The following RGS6 variants were observed in gnomAD, a reference collection of about 807,000 sequenced individuals.
RGS6 encodes regulator of G-protein signaling 6.
A neutral mutation model predicts 78.5 loss-of-function variants in RGS6; 30 were observed. The observed-to-expected ratio is 0.38, with a 90% confidence interval of 0.29 to 0.52. The LOEUF is 0.52. RGS6 is among the 20% of genes least tolerant of loss of function. The pLI is 0.85. For synonymous variants in RGS6, 206 were observed against 206.0 expected, an observed-to-expected ratio of 1.00 and a Z score of 0.00; for missense variants, 495 against 609.7, an observed-to-expected ratio of 0.81 and a Z score of 1.98.
chr14:72,053,971 A>G (rs2093476900), intron 2 of RGS6, among the ~76,000 whole-genome samples: 1 of 152,214 alleles, frequency 6.6e-6, no homozygotes, highest in Admixed American at 6.5e-5. Context: ...GTGGAAATTG[A>G]GATAAGACCG....
chr14:72,552,983 C>T (rs1196602106), intron 17 of RGS6, among the ~76,000 whole-genome samples: 3 of 152,236 alleles, frequency 2.0e-5, no homozygotes, highest in African/African-American at 7.2e-5. Flanking sequence ...GTGCACCTTG[C>T]ATGAGATGCT....
intron 2 of RGS6, among the ~76,000 whole-genome samples, chr14:72,166,513 T>C (rs2096930391): frequency 6.6e-6 from 1 of 152,222 alleles, no homozygotes; most frequent in Non-Finnish European, 1.5e-5. Context: ...TCAGGAATTT[T>C]CTAGATGGAG....
intron 1 of RGS6, among the ~76,000 whole-genome samples, chr14:71,939,638 G>A (rs923954456): frequency 1.3e-5 from 2 of 152,228 alleles, no homozygotes; most frequent in African/African-American, 4.8e-5. Flanking sequence ...AGTACTAGGA[G>A]ATGTGTTAAT....
chr14:72,154,529 A>G (rs1348543633), intron 2 of RGS6, among the ~76,000 whole-genome samples: 1 of 152,134 alleles, frequency 6.6e-6, no homozygotes, highest in Non-Finnish European at 1.5e-5. Flanking sequence ...CTGACTTCCA[A>G]CAGCTGGGGA....
At chr14:72,224,033 A>G (rs2047516370) in intron 2 of RGS6, among the ~76,000 whole-genome samples, 3 of 152,226 alleles carry the variant, frequency 2.0e-5, no homozygotes, top group Admixed American at 1.3e-4. Flanking sequence ...GTATTGAGAA[A>G]CCATTCAACT....
chr14:72,277,422 T>A (rs1244809979), intron 2 of RGS6, among the ~76,000 whole-genome samples: 2 of 150,858 alleles, frequency 1.3e-5, no homozygotes. Flanking sequence ...ATGGTGAAAC[T>A]CCCTGTCTAC....
chr14:71,997,145 A>G (rs1217185935), intron 2 of RGS6, among the ~76,000 whole-genome samples: 4 of 152,226 alleles, frequency 2.6e-5, no homozygotes, highest in African/African-American at 7.2e-5. Flanking sequence ...TTCAGAAGCA[A>G]CTAGGGATGT....
At chr14:71,979,131 G>A (rs1418151922) in intron 2 of RGS6, among the ~76,000 whole-genome samples, 1 of 148,828 alleles carries the variant, frequency 6.7e-6, no homozygotes, top group Non-Finnish European at 1.5e-5. Context: ...ATTTTTTATT[G>A]TGTCTATTTG....
chr14:72,412,817 T>C (rs1357682435), intron 3 of RGS6, among the ~76,000 whole-genome samples: 8 of 152,290 alleles, frequency 5.3e-5, no homozygotes, highest in Middle Eastern at 3.4e-3. Flanking sequence ...GCCTTCATTT[T>C]GTTATGTACC....
At chr14:71,927,689 G>A (rs541404431), upstream of RGS6, among the ~76,000 whole-genome samples, 3 of 147,866 alleles carry the variant, frequency 2.0e-5, no homozygotes, top group East Asian at 2.0e-4. Context: ...ACGGAGTTTC[G>A]CTCTGTCGCC....
intron 2 of RGS6, among the ~76,000 whole-genome samples, chr14:72,148,258 A>G (rs2096635882): frequency 6.6e-6 from 1 of 151,902 alleles, no homozygotes; most frequent in South Asian, 2.1e-4. Context: ...TTATTTGGGT[A>G]TGGTGATGCA....
chr14:72,381,085 G>T (rs2085955115), intron 3 of RGS6, among the ~76,000 whole-genome samples: 1 of 152,034 alleles, frequency 6.6e-6, no homozygotes, highest in Non-Finnish European at 1.5e-5. Flanking sequence ...GATACCACAT[G>T]TTGTCACTCA....
intron 2 of RGS6, among the ~76,000 whole-genome samples, chr14:72,339,283 T>C (rs1194742043): frequency 6.6e-6 from 1 of 152,166 alleles, no homozygotes; most frequent in South Asian, 2.1e-4. Context: ...TCAGGACACA[T>C]GGAAAGTGCC....
chr14:71,982,042 C>CTCCGT (rs1248817662), intron 2 of RGS6, among the ~76,000 whole-genome samples: 1 of 152,216 alleles, frequency 6.6e-6, no homozygotes. Context: ...GGGAGTGACC[C>CTCCGT]GATTTTCCAG....
intron 3 of RGS6, among the ~76,000 whole-genome samples, chr14:72,434,833 CA>C (rs1283816738): frequency 6.6e-6 from 1 of 152,176 alleles, no homozygotes; most frequent in East Asian, 1.9e-4. Context: ...TGATGTAAAC[CA>C]AGTGCTTTTT....
rs373209612 is a variant in RGS6, at chr14:72,380,198, A to G, written c.184+28004A>G. On this transcript the variant is annotated intron_variant, in intron 3 of 17. Coordinates refer to ENST00000553525, the MANE Select transcript of RGS6 (RefSeq NM_001204424.2). ...AATGGATCAAAGACCTAAATGCAAAATCTGAAAATATAAAACTAGTACAAG... is the reference window on the plus strand; with the variant it reads ...AATGGATCAAAGACCTAAATGCAAAGTCTGAAAATATAAAACTAGTACAAG... Among the ~76,000 whole-genome samples, 180 of 152,242 alleles carry G rather than the reference A, an allele frequency of 1.2e-3. 6 individuals are homozygous for G. The highest frequency in any genetic ancestry group is 4.1e-3 in the African/African-American group (172 of 41,572).
intron 2 of RGS6, among the ~76,000 whole-genome samples, chr14:72,144,605 G>A (rs2096583184): frequency 1.3e-5 from 2 of 152,304 alleles, no homozygotes; most frequent in East Asian, 1.9e-4. Flanking sequence ...TAAAGACAGA[G>A]AAGAAATGGT....
intron 3 of RGS6, among the ~76,000 whole-genome samples, chr14:72,388,843 G>A (rs943226539): frequency 2.6e-5 from 4 of 152,124 alleles, no homozygotes; most frequent in African/African-American, 9.7e-5. Context: ...ATTCATAATA[G>A]TATCTACTTC....
chr14:72,474,606 T>C lies in RGS6; in HGVS notation c.619-19T>C, dbSNP rs2096184844. 6.3e-7 allele frequency: 1 copy of C among 1,596,280 alleles called. No homozygotes were observed. The highest frequency in any genetic ancestry group is 8.5e-7 in the Non-Finnish European group (1 of 1,173,468). ...AATTTTCACGTAGTAATTTATATGA[T>C]GTGTTTTTTTTTTCTCAGCCAGGCT... On this transcript the variant is annotated intron_variant, in intron 9 of 17. Coordinates refer to ENST00000553525, the MANE Select transcript of RGS6 (RefSeq NM_001204424.2).
Sources: gnomAD v4.1 joint callset for allele counts (sites outside exome capture counted in the v4.1 genomes callset) on GRCh38, gnomAD v4.1.1 for gene constraint, MANE v1.5 for transcripts, NCBI Gene and HGNC (gene_info 2026-07-23, HGNC 2026-07-21) for gene names.